RASGRP3: variants seen among roughly 807,000 people sequenced by gnomAD.
RASGRP3 encodes the protein RAS guanyl releasing protein 3.
RASGRP3 carries 54 observed loss-of-function variants against 82.7 expected under a neutral mutation model. The observed-to-expected ratio is 0.65, with a 90% confidence interval of 0.52 to 0.82. RASGRP3 has a LOEUF of 0.82. RASGRP3 is among the 40% of genes least tolerant of loss of function. RASGRP3 has a pLI of 0.00. For missense variants in RASGRP3, 861 were observed against 828.9 expected, an observed-to-expected ratio of 1.04 and a Z score of -0.48; for synonymous variants, 309 against 300.5, an observed-to-expected ratio of 1.03 and a Z score of -0.29.
chr2:33,472,304 C>G (rs892707167), upstream of RASGRP3, among the ~76,000 whole-genome samples: 1 of 152,140 alleles, frequency 6.6e-6, no homozygotes, highest in Non-Finnish European at 1.5e-5. Flanking sequence ...GCAACCGCAG[C>G]GAAATGTACA....
intron 2 of RASGRP3, among the ~76,000 whole-genome samples, chr2:33,469,356 TTGTGAC>T (rs1451909102): frequency 6.6e-6 from 1 of 152,192 alleles, no homozygotes; most frequent in African/African-American, 2.4e-5. Flanking sequence ...GCTCCTTCTG[TTGTGAC>T]TGTGATTGAA....
At chr2:33,444,030 T>G (rs948197214) in intron 1 of RASGRP3, among the ~76,000 whole-genome samples, 21 of 152,154 alleles carry the variant, frequency 1.4e-4, no homozygotes, top group African/African-American at 4.6e-4. Flanking sequence ...GAGTGGGGGA[T>G]AGTGCCTTAC....
chr2:33,562,586 TAATTCCCACTA>T, intron 17 of RASGRP3, 132 bp from the exon 18 acceptor site: 1 of 909,812 alleles, frequency 1.1e-6, no homozygotes, highest in Non-Finnish European at 1.7e-6. Flanking sequence ...CATGATCTCC[TAATTCCCACTA>T]AATCCTGAGA....
At chr2:33,521,173 C>T (rs1177969859) in intron 6 of RASGRP3, among the ~76,000 whole-genome samples, 1 of 152,176 alleles carries the variant, frequency 6.6e-6, no homozygotes. Context: ...AAGCTCTGTA[C>T]CATGGTGCTG....
At chr2:33,468,207 A>C (rs1025919343) in intron 2 of RASGRP3, among the ~76,000 whole-genome samples, 10 of 152,252 alleles carry the variant, frequency 6.6e-5, no homozygotes, top group Admixed American at 2.0e-4. Flanking sequence ...GCTGATGAGC[A>C]TAAAGGAGGA....
intron 17 of RASGRP3, among the ~76,000 whole-genome samples, chr2:33,560,132 T>G (rs753896821): frequency 4.6e-5 from 7 of 152,250 alleles, no homozygotes; most frequent in Non-Finnish European, 1.0e-4. Context: ...AGTATGCTTT[T>G]AGTATACTCA....
At chr2:33,495,835 T>C (rs1020223994) in intron 1 of RASGRP3, among the ~76,000 whole-genome samples, 1 of 152,202 alleles carries the variant, frequency 6.6e-6, no homozygotes, top group African/African-American at 2.4e-5. Flanking sequence ...TAAATGGTAA[T>C]GTCACTTGGT....
intron 2 of RASGRP3, among the ~76,000 whole-genome samples, chr2:33,459,166 G>T (rs1166511691): frequency 6.6e-6 from 1 of 151,832 alleles, no homozygotes; most frequent in Non-Finnish European, 1.5e-5. Flanking sequence ...TCGCTCTGTC[G>T]CTCTGTTGCC....
rs149899270 is a variant in RASGRP3, at chr2:33,537,330, C to CACAACACA, written c.1162-1764_1162-1763insACAACACA. 2.1e-5 allele frequency among the ~76,000 whole-genome samples: 2 copies of CACAACACA among 95,716 alleles called. 1 individual carries two copies. The highest frequency in any genetic ancestry group is 0.012 in the Middle Eastern group (2 of 166). 62.8% of individuals were successfully genotyped at this position (95,716 alleles called of 152,430 possible). ...TACACACACACACACACCGCCCCCC[C>CACAACACA]CACACACACACACAAGTATATATAT... is the stretch of plus-strand genomic sequence containing the variant. On this transcript the variant is annotated intron_variant, in intron 11 of 17. Coordinates refer to ENST00000403687, the MANE Select transcript of RASGRP3 (RefSeq NM_001139488.2).
In RASGRP3 at chr2:33,520,552, G is replaced by T; in HGVS notation, c.237-1G>T. 6.2e-7 allele frequency: 1 copy of T among 1,613,596 alleles called. No homozygotes were observed. Among genetic ancestry groups the T allele is most frequent in the Non-Finnish European group, 8.5e-7 (1 of 1,179,590 alleles). Reference sequence around the variant, plus strand: ...TGCCAAAAATATTTGATGCCTTTCAGGTACTGGATTCTGAAGTTTCCTGCA... The same window carrying T: ...TGCCAAAAATATTTGATGCCTTTCATGTACTGGATTCTGAAGTTTCCTGCA... On this transcript the variant is annotated splice_acceptor_variant, in intron 5 of 17. Coordinates refer to ENST00000403687, the MANE Select transcript of RASGRP3 (RefSeq NM_001139488.2). LOFTEE classifies it high-confidence loss of function.
At chr2:33,559,694 T>C in intron 17 of RASGRP3, 1 of 507,572 alleles carries the variant, frequency 2.0e-6, no homozygotes, top group South Asian at 1.4e-5. Flanking sequence ...TTTGAGAAAA[T>C]TGGCATGATA....
intron 16 of RASGRP3, 129 bp downstream of exon 16, chr2:33,558,465 C>T: frequency 1.4e-6 from 2 of 1,391,540 alleles, no homozygotes; most frequent in Non-Finnish European, 2.0e-6. Context: ...TTAGGGTGAG[C>T]AGCAGTAGCT....
At chr2:33,442,216 T>G (rs958632738) in intron 1 of RASGRP3, among the ~76,000 whole-genome samples, 4 of 152,168 alleles carry the variant, frequency 2.6e-5, no homozygotes, top group African/African-American at 9.6e-5. Flanking sequence ...ATACAAAACT[T>G]AGCCAGGCGT....
intron 4 of RASGRP3, among the ~76,000 whole-genome samples, chr2:33,518,880 G>A (rs1558475146): frequency 6.6e-6 from 1 of 151,660 alleles, no homozygotes; most frequent in East Asian, 1.9e-4. Flanking sequence ...CATGGAGCTG[G>A]TCATCTCCTA....
chr2:33,441,262 C>T (rs935750170), intron 1 of RASGRP3, among the ~76,000 whole-genome samples: 1 of 152,128 alleles, frequency 6.6e-6, no homozygotes, highest in African/African-American at 2.4e-5. Flanking sequence ...CCTTTCCCCC[C>T]TCCTCCCACC....
chr2:33,532,535 A>G (rs984532324), intron 10 of RASGRP3: 13 of 152,206 alleles, frequency 8.5e-5, no homozygotes, highest in African/African-American at 3.1e-4. Context: ...GCTCTTTTAT[A>G]TAATGGTATG....
intron 1 of RASGRP3, among the ~76,000 whole-genome samples, chr2:33,479,877 A>T (rs1667734917): frequency 6.6e-6 from 1 of 152,076 alleles, no homozygotes; most frequent in Non-Finnish European, 1.5e-5. Context: ...GGGAAAGAGC[A>T]CCAGGTAGTA....
intron 14 of RASGRP3, among the ~76,000 whole-genome samples, chr2:33,553,744 TTTA>T (rs759911729): frequency 4.6e-5 from 7 of 152,140 alleles, no homozygotes; most frequent in Non-Finnish European, 8.8e-5. Flanking sequence ...ATTTTATTTA[TTTA>T]TTATTATTAT....
chr2:33,523,651 G>A (rs1411018580), intron 7 of RASGRP3, among the ~76,000 whole-genome samples: 2 of 152,116 alleles, frequency 1.3e-5, no homozygotes, highest in Non-Finnish European at 1.5e-5. Context: ...GCTGTGATGT[G>A]TAGTAGTGGG....
Sources: allele counts gnomAD v4.1 joint callset (sites outside exome capture counted in the v4.1 genomes callset), GRCh38; gene constraint gnomAD v4.1.1; transcripts MANE v1.5; gene names NCBI Gene and HGNC (gene_info 2026-07-23, HGNC 2026-07-21).